SETBP1: variants seen among roughly 807,000 people sequenced by gnomAD.
SETBP1 encodes the protein SET-binding protein.
A neutral mutation model predicts 101.0 loss-of-function variants in SETBP1; 9 were observed. The ratio of observed to expected loss-of-function variants is 0.09; its 90% CI spans 0.05 to 0.16. The LOEUF (loss-of-function observed/expected upper bound fraction) is 0.16, where lower values mean the gene tolerates loss of function less well. SETBP1 is among the 10% of genes least tolerant of loss of function. The probability of loss-of-function intolerance (pLI) is 1.00; values close to 1 mark genes in which losing one functional copy is unlikely to be tolerated. For missense variants in SETBP1, 1,858 were observed against 2,033.8 expected (o/e 0.91, Z 1.66); for synonymous variants, 818 against 788.5 (o/e 1.04, Z -0.63).
chr18:44,681,643 T>C (rs1429467781), intron 1 of SETBP1, among the ~76,000 whole-genome samples: 3 of 148,160 alleles, frequency 2.0e-5, no homozygotes, highest in East Asian at 4.1e-4. Context: ...AGTTGTGCAA[T>C]TGGAAATAGA....
chr18:44,860,480 C>T (rs2068979096), intron 2 of SETBP1, among the ~76,000 whole-genome samples: 1 of 152,152 alleles, frequency 6.6e-6, no homozygotes, highest in Admixed American at 6.5e-5. Context: ...GGCGCAGTGG[C>T]TCATGTCTGT....
At chr18:45,041,567 G>A (rs781317560) in intron 5 of SETBP1, among the ~76,000 whole-genome samples, 3 of 152,184 alleles carry the variant, frequency 2.0e-5, no homozygotes, top group Non-Finnish European at 1.5e-5. Flanking sequence ...AAAAAGGACA[G>A]AAGAGTTAAA....
intron 2 of SETBP1, among the ~76,000 whole-genome samples, chr18:44,824,580 C>T (rs6507584): frequency 2.6e-5 from 4 of 151,990 alleles, no homozygotes; most frequent in Non-Finnish European, 2.9e-5. Flanking sequence ...ATATTTCTGA[C>T]GGTGTAACAT....
intron 5 of SETBP1, among the ~76,000 whole-genome samples, chr18:45,051,188 A>G (rs530921707): frequency 3.7e-4 from 57 of 152,308 alleles, no homozygotes; most frequent in African/African-American, 1.3e-3. Context: ...TCCAAGCCAC[A>G]TGGTGTATGA....
chr18:44,961,377 C>G (rs1567994616), intron 4 of SETBP1, among the ~76,000 whole-genome samples: 1 of 152,148 alleles, frequency 6.6e-6, no homozygotes. Flanking sequence ...TTTGATGTCT[C>G]ATATGTTTGG....
At chr18:44,685,440 G>T (rs2068820988) in intron 1 of SETBP1, among the ~76,000 whole-genome samples, 1 of 152,168 alleles carries the variant, frequency 6.6e-6, no homozygotes, top group Non-Finnish European at 1.5e-5. Flanking sequence ...ACACTGGGTT[G>T]CCTGAAATGA....
chr18:44,860,030 C>A (rs2068968351), intron 2 of SETBP1, among the ~76,000 whole-genome samples: 1 of 152,230 alleles, frequency 6.6e-6, no homozygotes, highest in Non-Finnish European at 1.5e-5. Context: ...CTTTTCCATT[C>A]TCTGCCACTG....
intron 2 of SETBP1, among the ~76,000 whole-genome samples, chr18:44,778,832 A>C (rs1037941): frequency 0.77 from 116,864 of 152,214 alleles, 45,013 homozygotes; most frequent in Admixed American, 0.83. Flanking sequence ...CTCTCCCCTG[A>C]AGCCCCTGCA....
chr18:44,759,019 A>G (rs2070574610), intron 2 of SETBP1, among the ~76,000 whole-genome samples: 1 of 152,236 alleles, frequency 6.6e-6, no homozygotes, highest in Non-Finnish European at 1.5e-5. Context: ...GTCTCTCTAA[A>G]TAACACGTTT....
intron 2 of SETBP1, among the ~76,000 whole-genome samples, chr18:44,739,513 T>C (rs985074947): frequency 2.0e-5 from 3 of 152,204 alleles, no homozygotes. Flanking sequence ...TCATAATGCT[T>C]TCAAGATATG....
chr18:44,982,959 G>T (rs1445474896), intron 4 of SETBP1, among the ~76,000 whole-genome samples: 1 of 152,114 alleles, frequency 6.6e-6, no homozygotes, highest in Non-Finnish European at 1.5e-5. Context: ...AAGGTCATGG[G>T]ATGCTTAACT....
At position 44,950,021 on chromosome 18, in the gene SETBP1, C is replaced by G. The variant is rs2071300323; in HGVS notation, c.681C>G (p.Asp227Glu). 4 of 1,614,206 alleles carry G rather than the reference C, an allele frequency of 2.5e-6. No homozygotes were observed. The stretch of plus-strand genomic sequence containing the variant: ...ACATGGACTGGTCCACCAACTCTGA[C>G]AGCGGACCCGTCACTCAGAATTGCT... Reference protein sequence around the residue: ...QNHMDWSTNSDSGPVTQNCFI... With the variant: ...QNHMDWSTNSESGPVTQNCFI... Residue 227 changes from aspartate (D) to glutamate (E), a missense_variant, in exon 4 of 6, where the codon GAC (aspartate) becomes GAG (glutamate). Transcript: ENST00000649279.
intron 2 of SETBP1, among the ~76,000 whole-genome samples, chr18:44,751,566 T>A (rs2070380219): frequency 6.8e-6 from 1 of 146,596 alleles, no homozygotes; most frequent in Non-Finnish European, 1.5e-5. Flanking sequence ...GTTATTTGAT[T>A]TATCCTTTAT....
At chr18:44,850,129 C>T (rs1045659025) in intron 2 of SETBP1, among the ~76,000 whole-genome samples, 3 of 152,198 alleles carry the variant, frequency 2.0e-5, no homozygotes, top group African/African-American at 7.2e-5. Flanking sequence ...TGGAATGTTT[C>T]TTTAGCACTA....
intron 2 of SETBP1, among the ~76,000 whole-genome samples, chr18:44,722,389 G>A (rs1292719961): frequency 6.6e-6 from 1 of 152,092 alleles, no homozygotes; most frequent in Non-Finnish European, 1.5e-5. Context: ...CTCAATTCTT[G>A]TGCTTAATGG....
chr18:44,709,812 ATTTTTT>A (rs35610551), intron 2 of SETBP1, among the ~76,000 whole-genome samples: 1 of 121,602 alleles, frequency 8.2e-6, no homozygotes, highest in African/African-American at 3.2e-5. Context: ...ATCACTAATG[ATTTTTT>A]TTTTTTTTTT....
At chr18:44,860,326 G>T (rs146495332) in intron 2 of SETBP1, among the ~76,000 whole-genome samples, 404 of 152,298 alleles carry the variant, frequency 2.7e-3, no homozygotes, top group African/African-American at 9.4e-3. Flanking sequence ...TGGAAGGAAA[G>T]GACCTACAAC....
chr18:45,043,153 G>A (rs2073542086), intron 5 of SETBP1, among the ~76,000 whole-genome samples: 1 of 152,134 alleles, frequency 6.6e-6, no homozygotes, highest in African/African-American at 2.4e-5. Context: ...TTCTCAGGGA[G>A]ATCACGTAAT....
chr18:44,980,937 A>G (rs961949702), intron 4 of SETBP1, among the ~76,000 whole-genome samples: 1 of 152,182 alleles, frequency 6.6e-6, no homozygotes, highest in Admixed American at 6.6e-5. Flanking sequence ...CCTGGGCCTC[A>G]GTTTATGCAT....
Sources: allele counts gnomAD v4.1 joint callset (sites outside exome capture counted in the v4.1 genomes callset), GRCh38; gene constraint gnomAD v4.1.1; transcripts MANE v1.5; gene names NCBI Gene and HGNC (gene_info 2026-07-23, HGNC 2026-07-21).